Variants in MYOZ2 observed in about 807,000 individuals in gnomAD.
The protein encoded by MYOZ2 is myozenin 2.
MYOZ2 carries 19 observed loss-of-function variants against 25.4 expected under a neutral mutation model. The ratio of observed to expected loss-of-function variants is 0.75; its 90% CI spans 0.52 to 1.10. The LOEUF (loss-of-function observed/expected upper bound fraction) is 1.10. Among genes scored for constraint, MYOZ2 ranks in the 50% least tolerant of loss-of-function variants. MYOZ2 has a pLI of 0.00. For missense variants in MYOZ2, 270 were observed against 317.9 expected, an observed-to-expected ratio of 0.85 and a Z score of 1.15; for synonymous variants, 92 against 106.9, an observed-to-expected ratio of 0.86 and a Z score of 0.86.
At chr4:119,136,487 A>C in intron 1 of MYOZ2, 25 bp from the exon 2 acceptor site, 2 of 1,585,800 alleles carry the variant, frequency 1.3e-6, no homozygotes, top group African/African-American at 2.7e-5. Context: ...ACATTGCCTC[A>C]ATAATGTCCC....
At chr4:119,142,003 A>G (rs55932281) in intron 2 of MYOZ2, among the ~76,000 whole-genome samples, 34,346 of 149,934 alleles carry the variant, frequency 0.23, 4,568 homozygotes, top group South Asian at 0.36. Flanking sequence ...AGGGAAGAAA[A>G]CCTTGGAAAA....
chr4:119,162,362 C>G (rs909426238), intron 4 of MYOZ2, among the ~76,000 whole-genome samples: 2 of 152,084 alleles, frequency 1.3e-5, no homozygotes, highest in Non-Finnish European at 2.9e-5. Flanking sequence ...GCATTAGGGT[C>G]CCCTGAGCAG....
At position 119,147,743 on chromosome 4, in the gene MYOZ2, C is replaced by CAAA. The variant is rs70944840; in HGVS notation, c.77-3117_77-3115dup. Among the ~76,000 whole-genome samples, 3 of 119,666 alleles carry CAAA rather than the reference C, an allele frequency of 2.5e-5. 1 individual carries two copies. The highest frequency in any genetic ancestry group is 3.6e-5 in the Non-Finnish European group (2 of 56,072). 78.5% of individuals were successfully genotyped at this position (119,666 alleles called of 152,430 possible). A position where few individuals can be genotyped will look rare whatever the true frequency, so the allele number is the denominator to read the frequency against. On this transcript the variant is annotated intron_variant, in intron 2 of 5. Transcript: ENST00000307128. ...TGGGTGACAGAGTAAGACTCTGTCT[C>CAAA]AAAAAAAAAAAAAATCTACTTTGAT... is the stretch of plus-strand genomic sequence containing the variant.
Position 119,150,899 on chromosome 4 carries a change from AG to A in MYOZ2, c.106del (p.Val36SerfsTer46), listed in dbSNP as rs1314581659. 3 of 1,613,850 alleles carry A rather than the reference AG, an allele frequency of 1.9e-6. No homozygotes were observed. The highest frequency in any genetic ancestry group is 2.7e-5 in the African/African-American group (2 of 74,902). The part of the protein sequence containing the change: ...NDVDGMDLGK[K>X]VSIPRDIMLE... ...GTTGATGGCATGGACCTGGGCAAAA[AG>A]GTCAGCATCCCCAGAGACATCATGT... is the stretch of plus-strand genomic sequence containing the variant. On this transcript the variant is annotated frameshift_variant, in exon 3 of 6. Coordinates refer to ENST00000307128, the MANE Select transcript of MYOZ2 (RefSeq NM_016599.5). LOFTEE classifies it high-confidence loss of function.
intron 2 of MYOZ2, among the ~76,000 whole-genome samples, chr4:119,141,622 T>A (rs1415857684): frequency 6.6e-6 from 1 of 152,170 alleles, no homozygotes; most frequent in Non-Finnish European, 1.5e-5. Context: ...CCTCAGGTGA[T>A]CCACCTGCCT....
intron 2 of MYOZ2, among the ~76,000 whole-genome samples, chr4:119,148,702 A>G (rs1741367873): frequency 2.9e-5 from 2 of 69,998 alleles, no homozygotes. Context: ...TTTGTTCTTT[A>G]TATCTTTTAT....
chr4:119,136,650 G>A (rs1175457764), intron 2 of MYOZ2, 49 bp downstream of exon 2: 1 of 1,541,910 alleles, frequency 6.5e-7, no homozygotes, highest in Non-Finnish European at 8.9e-7. Context: ...GCATGAATGT[G>A]GCTCCATCCT....
intron 2 of MYOZ2, among the ~76,000 whole-genome samples, chr4:119,143,178 A>G (rs765859139): frequency 2.6e-5 from 4 of 151,810 alleles, no homozygotes; most frequent in Non-Finnish European, 4.4e-5. Flanking sequence ...TACAATGGCA[A>G]TTAAATTTCT....
intron 4 of MYOZ2, among the ~76,000 whole-genome samples, chr4:119,162,576 CT>C (rs1208334911): frequency 6.6e-6 from 1 of 152,182 alleles, no homozygotes; most frequent in Non-Finnish European, 1.5e-5. Flanking sequence ...TGTAGACCAC[CT>C]GCATAAGATT....
At chr4:119,167,325 T>C (rs1014520772) in intron 5 of MYOZ2, among the ~76,000 whole-genome samples, 8 of 152,106 alleles carry the variant, frequency 5.3e-5, no homozygotes, top group African/African-American at 1.7e-4. Context: ...CAAAACCCAA[T>C]CCAGAGCAAG....
In MYOZ2 at chr4:119,187,666, G is replaced by T. The variant is rs1470090564; in HGVS notation, c.*1466G>T. 1 of 151,668 alleles carries T rather than the reference G, an allele frequency of 6.6e-6. No homozygotes were observed. The highest frequency in any genetic ancestry group is 1.5e-5 in the Non-Finnish European group (1 of 67,906). 9.4% of individuals were successfully genotyped at this position (151,668 alleles called of 1,614,324 possible). On this transcript the variant is annotated 3_prime_UTR_variant, in exon 6 of 6. Transcript: ENST00000307128. ...ATCTTAATTTTATTTATAAGTTTTG[G>T]TGTTTACCTGTTTTAAAATGATAAT... is the stretch of plus-strand genomic sequence containing the variant.
chr4:119,161,164 T>C (rs1741699446), intron 4 of MYOZ2, among the ~76,000 whole-genome samples: 1 of 152,088 alleles, frequency 6.6e-6, no homozygotes, highest in African/African-American at 2.4e-5. Context: ...TTAAGAGAAA[T>C]TTTTAAAGCA....
chr4:119,154,123 A>G (rs1424970794), intron 3 of MYOZ2, among the ~76,000 whole-genome samples: 3 of 152,140 alleles, frequency 2.0e-5, no homozygotes, highest in African/African-American at 7.2e-5. Context: ...AATAATTGGA[A>G]CTCTAAATAT....
At chr4:119,176,773 A>C (rs1254757208) in intron 5 of MYOZ2, among the ~76,000 whole-genome samples, 2 of 152,242 alleles carry the variant, frequency 1.3e-5, no homozygotes, top group Non-Finnish European at 2.9e-5. Context: ...CATAAGGCAT[A>C]GTAATGATGG....
intron 5 of MYOZ2, among the ~76,000 whole-genome samples, chr4:119,179,101 T>C (rs895400088): frequency 6.6e-6 from 1 of 152,218 alleles, no homozygotes; most frequent in African/African-American, 2.4e-5. Context: ...CTAAAAACTT[T>C]GTAACTGTTA....
intron 3 of MYOZ2, 69 bp from the exon 4 acceptor site, chr4:119,157,953 A>G (rs1741618125): frequency 6.4e-7 from 1 of 1,563,904 alleles, no homozygotes; most frequent in African/African-American, 1.3e-5. Context: ...GAAGTTTTGC[A>G]TATATAGCTC....
intron 5 of MYOZ2, among the ~76,000 whole-genome samples, chr4:119,167,349 T>C (rs545258154): frequency 9.2e-5 from 14 of 152,220 alleles, no homozygotes; most frequent in Admixed American, 1.3e-4. Context: ...CTAACTTTCT[T>C]CAACTTTATG....
intron 5 of MYOZ2, among the ~76,000 whole-genome samples, chr4:119,182,494 G>A (rs1302497273): frequency 6.6e-6 from 1 of 152,108 alleles, no homozygotes; most frequent in African/African-American, 2.4e-5. Context: ...TCTGGCACCA[G>A]GGACCAGTTT....
At position 119,155,161 on chromosome 4, in the gene MYOZ2, T is replaced by G. The variant is rs1335545746; in HGVS notation, c.247-2861T>G. 2.0e-5 allele frequency among the ~76,000 whole-genome samples: 3 copies of G among 152,216 alleles called. No individual in the cohort carries two copies. In the East Asian group the frequency reaches 5.8e-4, roughly 29 times the overall value. ...AACAATCAATTCTCATAGGAACTAA[T>G]TACTGCGAGGATGGCACCAAGTCAT... is the stretch of plus-strand genomic sequence containing the variant. On this transcript the variant is annotated intron_variant, in intron 3 of 5. Coordinates refer to ENST00000307128, the MANE Select transcript of MYOZ2 (RefSeq NM_016599.5).
Sources: gnomAD v4.1 joint callset for allele counts (sites outside exome capture counted in the v4.1 genomes callset) on GRCh38, gnomAD v4.1.1 for gene constraint, MANE v1.5 for transcripts, NCBI Gene and HGNC (gene_info 2026-07-23, HGNC 2026-07-21) for gene names.